Variants in ZNF721 observed in about 807,000 individuals in gnomAD.
ZNF721 encodes the protein zinc finger protein 721.
In ZNF721, 2 loss-of-function variants were observed where a neutral mutation model predicts 2.4. The ratio of observed to expected loss-of-function variants is 0.82; its 90% CI spans 0.34 to 2.58. The LOEUF (loss-of-function observed/expected upper bound fraction) is 2.58, where lower values mean the gene tolerates loss of function less well. ZNF721 is among the 30% of genes most tolerant of loss of function. The pLI, the probability that ZNF721 is intolerant of heterozygous loss-of-function variation, is 0.11. For missense variants in ZNF721, 1,187 were observed against 1,085.5 expected (o/e 1.09, Z -1.31); for synonymous variants, 398 against 381.8 (o/e 1.04, Z -0.50).
rs555026847 is a variant in ZNF721, at chr4:473,493, C to T, written c.-93-792G>A. Among the ~76,000 whole-genome samples the T allele has an allele frequency of 8.5e-5, 13 of 152,242 alleles. 1 individual carries two copies. Among genetic ancestry groups the T allele is most frequent in the Admixed American group, 2.0e-4 (3 of 15,296 alleles). On this transcript the variant is annotated intron_variant, in intron 1 of 2. Coordinates refer to ENST00000511833, the MANE Select transcript of ZNF721 (RefSeq NM_133474.4). Reference sequence around the variant, plus strand: ...AAAGTTGGGGCGGGCTGGTGATTCGCTTCACTTCCTCACACACCTCACAAA... The same window carrying T: ...AAAGTTGGGGCGGGCTGGTGATTCGTTTCACTTCCTCACACACCTCACAAA...
In ZNF721 at chr4:451,225, A is replaced by T. The variant is rs1714650234; in HGVS notation, c.35-6793T>A. Among the ~76,000 whole-genome samples the T allele has an allele frequency of 2.0e-5, 3 of 152,140 alleles. No homozygotes were observed. In the South Asian group the frequency reaches 6.2e-4, roughly 32 times the overall value. On this transcript the variant is annotated intron_variant, in intron 2 of 2. Transcript: ENST00000511833. ...TTTGAACTCAATTGAACATGGACACAAACAATGGTCACCAAGTTCCCAAAC... is the reference window on the plus strand; with the variant it reads ...TTTGAACTCAATTGAACATGGACACTAACAATGGTCACCAAGTTCCCAAAC...
chr4:495,310 A>AC (rs1716120983), intron 1 of ZNF721, among the ~76,000 whole-genome samples: 2 of 141,698 alleles, frequency 1.4e-5, no homozygotes, highest in Admixed American at 7.0e-5. Context: ...AGTCAACTGA[A>AC]CAAAAAAAAA....
At chr4:459,321 C>T (rs566484672) in intron 2 of ZNF721, among the ~76,000 whole-genome samples, 50 of 152,204 alleles carry the variant, frequency 3.3e-4, no homozygotes, top group South Asian at 1.5e-3. Flanking sequence ...AAATGTAAAA[C>T]GGCTAAATGC....
intron 2 of ZNF721, among the ~76,000 whole-genome samples, chr4:456,295 C>A (rs1714846787): frequency 6.6e-6 from 1 of 152,058 alleles, no homozygotes; most frequent in African/African-American, 2.4e-5. Flanking sequence ...GTCTTGAACT[C>A]CTGACCTCAG....
At chr4:472,903 TG>T (rs1715483238) in intron 1 of ZNF721, among the ~76,000 whole-genome samples, 1 of 152,028 alleles carries the variant, frequency 6.6e-6, no homozygotes, top group Non-Finnish European at 1.5e-5. Flanking sequence ...ATAAAAATAA[TG>T]GGCTACACTG....
At position 441,106 on chromosome 4, in the gene ZNF721, A is replaced by G. The variant is rs1714217986; in HGVS notation, c.*589T>C. On this transcript the variant is annotated 3_prime_UTR_variant, in exon 3 of 3. Transcript: ENST00000511833. Reference sequence around the variant, plus strand: ...AGAGTTTTCCTCTAGTACAAAATGCATATAGTAAGTTCTGGGATACAAGTA... The same window carrying G: ...AGAGTTTTCCTCTAGTACAAAATGCGTATAGTAAGTTCTGGGATACAAGTA... 1 of 152,312 alleles carries G rather than the reference A, an allele frequency of 6.6e-6. No individual in the cohort carries two copies. The highest frequency in any genetic ancestry group is 1.5e-5 in the Non-Finnish European group (1 of 68,076). 9.4% of individuals were successfully genotyped at this position (152,312 alleles called of 1,614,324 possible).
chr4:493,841 T>C (rs769823241), intron 1 of ZNF721, among the ~76,000 whole-genome samples: 2 of 152,252 alleles, frequency 1.3e-5, no homozygotes, highest in Admixed American at 6.5e-5. Flanking sequence ...GTAACTTCTA[T>C]GCCAAATTTT....
At chr4:486,438 T>A (rs1450569581) in intron 1 of ZNF721, among the ~76,000 whole-genome samples, 1 of 152,226 alleles carries the variant, frequency 6.6e-6, no homozygotes, top group East Asian at 1.9e-4. Context: ...ATTACAGGCA[T>A]GAGCCACCGC....
At position 440,777 on chromosome 4, in the gene ZNF721, T is replaced by C. The variant is rs1553862989; in HGVS notation, c.*918A>G. 1 of 152,328 alleles carries C rather than the reference T, an allele frequency of 6.6e-6. No individual in the cohort carries two copies. The highest frequency in any genetic ancestry group is 1.9e-4 in the East Asian group (1 of 5,200). The allele number at this position is 152,328 out of a possible 1,614,324, so 9.4% of individuals were successfully genotyped here. The stretch of plus-strand genomic sequence containing the variant: ...ACCTCCTGGGTTCAAGCCATTCTCC[T>C]GTCTCAGCCTCCTGAGTAGCTGGGA... On this transcript the variant is annotated 3_prime_UTR_variant, in exon 3 of 3. Coordinates refer to ENST00000511833, the MANE Select transcript of ZNF721 (RefSeq NM_133474.4).
At chr4:488,060 T>C (rs1311512385) in intron 1 of ZNF721, among the ~76,000 whole-genome samples, 12 of 152,120 alleles carry the variant, frequency 7.9e-5, no homozygotes, top group African/African-American at 2.9e-4. Flanking sequence ...AGATAAGGGG[T>C]AGCTGATAGG....
In ZNF721 at chr4:442,969, G is replaced by A. The variant is rs1714318312; in HGVS notation, c.1498C>T (p.Pro500Ser). The part of the protein sequence containing the change: ...KHKRIHTGEK[P>S]FECLECGKAF... ...TTACCACATTCTAAACATTCAAAGGGTTTCTCGCCAGTATGAATCCTCTTA... is the reference window on the plus strand; with the variant it reads ...TTACCACATTCTAAACATTCAAAGGATTTCTCGCCAGTATGAATCCTCTTA... Residue 500 changes from proline to serine, a missense_variant, in exon 3 of 3, where the codon CCC (proline) becomes TCC (serine). Transcript: ENST00000511833. 2 of 1,613,738 alleles carry A rather than the reference G, an allele frequency of 1.2e-6. No homozygotes were observed. The highest frequency in any genetic ancestry group is 1.3e-5 in the African/African-American group (1 of 74,894).
intron 1 of ZNF721, among the ~76,000 whole-genome samples, chr4:490,826 T>C (rs1716002103): frequency 6.6e-6 from 1 of 151,858 alleles, no homozygotes; most frequent in Non-Finnish European, 1.5e-5. Flanking sequence ...CGGTGGCTCA[T>C]GCCTGTAATC....
intron 2 of ZNF721, among the ~76,000 whole-genome samples, chr4:468,123 C>A (rs1254064709): frequency 2.6e-5 from 4 of 152,140 alleles, no homozygotes; most frequent in Non-Finnish European, 5.9e-5. Flanking sequence ...AAAAATTAGC[C>A]TGGCACGGTG....
intron 1 of ZNF721, among the ~76,000 whole-genome samples, chr4:497,404 G>T (rs188218612): frequency 4.7e-5 from 7 of 148,100 alleles, no homozygotes; most frequent in Non-Finnish European, 7.5e-5. Context: ...CTTCACTGAG[G>T]ATCTCTCAGT....
chr4:462,594 C>T (rs1553866243), intron 2 of ZNF721, among the ~76,000 whole-genome samples: 1 of 152,116 alleles, frequency 6.6e-6, no homozygotes, highest in African/African-American at 2.4e-5. Context: ...TCAGAAATAA[C>T]ACCACACATC....
intron 2 of ZNF721, among the ~76,000 whole-genome samples, chr4:448,242 A>G (rs1176551130): frequency 2.0e-5 from 3 of 152,026 alleles, no homozygotes; most frequent in Non-Finnish European, 4.4e-5. Context: ...TGTAGAATAA[A>G]AGAAAGAAAA....
chr4:452,697 C>T (rs781804129), intron 2 of ZNF721, among the ~76,000 whole-genome samples: 2 of 152,040 alleles, frequency 1.3e-5, no homozygotes, highest in Non-Finnish European at 2.9e-5. Context: ...GGTTTTGGAC[C>T]CAGAAACTGC....
chr4:482,507 T>C (rs1553869686), intron 1 of ZNF721, among the ~76,000 whole-genome samples: 1 of 150,088 alleles, frequency 6.7e-6, no homozygotes, highest in East Asian at 2.0e-4. Flanking sequence ...TCTGTTTTTG[T>C]TTTTTTTGAG....
intron 2 of ZNF721, among the ~76,000 whole-genome samples, chr4:449,892 C>T (rs190756211): frequency 6.6e-6 from 1 of 152,044 alleles, no homozygotes; most frequent in Non-Finnish European, 1.5e-5. Context: ...ATTAGAAAGA[C>T]AAAAATATGT....
Sources: allele counts gnomAD v4.1 joint callset (sites outside exome capture counted in the v4.1 genomes callset), GRCh38; gene constraint gnomAD v4.1.1; transcripts MANE v1.5; gene names NCBI Gene and HGNC (gene_info 2026-07-23, HGNC 2026-07-21).